Variants in ANO9 observed in about 807,000 individuals in gnomAD.
ANO9 encodes the protein anoctamin-9.
ANO9 carries 80 observed loss-of-function variants against 100.5 expected under a neutral mutation model. That is an observed-to-expected ratio of 0.80 (90% CI 0.66 to 0.96). The LOEUF (loss-of-function observed/expected upper bound fraction) is 0.96, where lower values mean the gene tolerates loss of function less well. ANO9 is among the 40% of genes least tolerant of loss of function. ANO9 has a pLI of 0.00. For synonymous variants in ANO9, 473 were observed against 435.6 expected (o/e 1.09, Z -1.07); for missense variants, 1,064 against 1,072.7 (o/e 0.99, Z 0.11).
In ANO9 at chr11:421,649, C is replaced by T. The variant is rs552092514; in HGVS notation, c.1335-451G>A. Among the ~76,000 whole-genome samples the T allele has an allele frequency of 2.6e-5, 4 of 151,876 alleles. No individual in the cohort carries two copies. Among genetic ancestry groups the T allele is most frequent in the Admixed American group, 6.6e-5 (1 of 15,266 alleles). On this transcript the variant is annotated intron_variant, in intron 15 of 22. Coordinates refer to ENST00000332826, the MANE Select transcript of ANO9 (RefSeq NM_001012302.3). The surrounding 1 kb of genome is among the most constrained non-coding windows in gnomAD (Gnocchi z 6.8). ...CAGACGAACCGCACCTGCACGTGGG[C>T]GCACACACACACACACAGGCAAGGC...
intron 1 of ANO9, among the ~76,000 whole-genome samples, chr11:438,485 C>T (rs1208495261): frequency 6.7e-6 from 1 of 148,498 alleles, no homozygotes; most frequent in Admixed American, 6.7e-5. Context: ...GCAGGTGTAG[C>T]CCCCCCAACA....
chr11:421,190 C>T lies in ANO9; in HGVS notation c.1343G>A (p.Gly448Asp), dbSNP rs866019724. The T allele has an allele frequency of 6.4e-7, 1 of 1,550,804 alleles. No individual in the cohort carries two copies. The highest frequency in any genetic ancestry group is 8.7e-7 in the Non-Finnish European group (1 of 1,145,444). The part of the protein sequence containing the change: ...YIAFILGRIN[G>D]HPGKSTRLAG... ...CAGGCGCGTGGACTTCCCGGGGTGG[C>T]CGTTGATCCTGGGGAGGAAGGGGAA... is the stretch of plus-strand genomic sequence containing the variant. The change falls in exon 16 of 23, where the codon GGC becomes GAC. Residue 448 changes from glycine (G) to aspartate (D), a missense_variant. Gly to Asp is a moderately conservative substitution (Grantham distance 94). Transcript: ENST00000332826. This position sits in a 1 kb window ranked among gnomAD's most constrained non-coding sequence, Gnocchi z 6.8.
At chr11:433,558 C>A (rs754311152) in intron 3 of ANO9, 99 bp from the exon 4 acceptor site, 36 of 1,475,900 alleles carry the variant, frequency 2.4e-5, no homozygotes, top group South Asian at 9.5e-5. Context: ...AACCCTCCCC[C>A]CTCTATTCCG....
Position 431,925 on chromosome 11 carries a change from C to G in ANO9, c.407-19G>C, listed in dbSNP as rs1262496452. 1 of 1,611,236 alleles carries G rather than the reference C, an allele frequency of 6.2e-7. No homozygotes were observed. On this transcript the variant is annotated intron_variant, in intron 5 of 22. Coordinates refer to ENST00000332826, the MANE Select transcript of ANO9 (RefSeq NM_001012302.3). The stretch of plus-strand genomic sequence containing the variant: ...AAGGTCTCTGGGTCACAGGGGTTCA[C>G]GAGTCAGGGGGAGTGAGGTGCTGGG...
At position 432,390 on chromosome 11, in the gene ANO9, A is replaced by G. The variant is rs964015601; in HGVS notation, c.351-336T>C. ...CCTGCGGGCCCCATGTGTCCAGAGC[A>G]CACCCCAGCCTGCATCCGCACACAC... On this transcript the variant is annotated intron_variant, in intron 4 of 22. Coordinates refer to ENST00000332826, the MANE Select transcript of ANO9 (RefSeq NM_001012302.3). The surrounding 1 kb of genome is among the most constrained non-coding windows in gnomAD (Gnocchi z 4.8). 2.5e-6 allele frequency: 1 copy of G among 405,260 alleles called. No homozygotes were observed. The highest frequency in any genetic ancestry group is 4.6e-6 in the Non-Finnish European group (1 of 217,654). 25.1% of individuals were successfully genotyped at this position (405,260 alleles called of 1,614,324 possible). A position where few individuals can be genotyped will look rare whatever the true frequency, so the allele number is the denominator to read the frequency against.
chr11:437,171 C>A (rs976901068), intron 1 of ANO9, among the ~76,000 whole-genome samples: 3 of 151,942 alleles, frequency 2.0e-5, no homozygotes, highest in Admixed American at 6.5e-5. Flanking sequence ...GCAGGGATCT[C>A]GGCTGCTCCT....
intron 19 of ANO9, 81 bp downstream of exon 19, chr11:420,382 G>T: frequency 6.5e-7 from 1 of 1,546,500 alleles, no homozygotes; most frequent in East Asian, 2.4e-5. Flanking sequence ...ATTTTTTCCA[G>T]GTGAGCCGGC....
At chr11:436,502 A>T (rs958021148) in intron 1 of ANO9, among the ~76,000 whole-genome samples, 2 of 151,550 alleles carry the variant, frequency 1.3e-5, no homozygotes, top group Non-Finnish European at 2.9e-5. Flanking sequence ...TCAACCACAG[A>T]AGCCAGGAAA....
intron 1 of ANO9, among the ~76,000 whole-genome samples, chr11:438,292 G>A (rs1845535526): frequency 1.3e-5 from 2 of 151,874 alleles, no homozygotes; most frequent in Admixed American, 1.3e-4. Flanking sequence ...CTCGGACAAG[G>A]CAGAAGCACT....
intron 3 of ANO9, among the ~76,000 whole-genome samples, 169 bp from the exon 4 acceptor site, chr11:433,628 C>T (rs1005003661): frequency 1.3e-5 from 2 of 152,090 alleles, no homozygotes; most frequent in Non-Finnish European, 2.9e-5. Flanking sequence ...GCCTCGCTCC[C>T]CACGCCCCTG....
rs1847958312 is a variant in ANO9 at position 418,206 on chromosome 11, G to A, written c.*165C>T. ...AGCCCCCACAAAGACGGAGCAGGCG[G>A]AATAGGGTGGCAGCTCACAGCCCTG... On this transcript the variant is annotated 3_prime_UTR_variant, in exon 23 of 23. Transcript: ENST00000332826. 1.4e-6 allele frequency: 1 copy of A among 706,818 alleles called. No homozygotes were observed. Among genetic ancestry groups the A allele is most frequent in the Non-Finnish European group, 2.3e-6 (1 of 436,186 alleles). 43.8% of individuals were successfully genotyped at this position (706,818 alleles called of 1,614,324 possible).
At position 431,739 on chromosome 11, in the gene ANO9, G is replaced by C. The variant is rs751644925; in HGVS notation, c.494C>G (p.Ala165Gly). Residue 165 changes from alanine (A) to glycine (G), a missense_variant, in exon 7 of 23, where the codon GCG becomes GGG. Transcript: ENST00000332826. ...KGEGRLKKTWARWRHMFREQP... is the reference protein window; with the variant it reads ...KGEGRLKKTWGRWRHMFREQP... ...CTCCCGGAACATGTGTCTCCACCGC[G>C]CCCACGTCTTCTTCAGGCGTCCCTC... The C allele has an allele frequency of 1.2e-6, 2 of 1,612,636 alleles. No individual in the cohort carries two copies. The highest frequency in any genetic ancestry group is 3.3e-5 in the Admixed American group (2 of 59,952).
At chr11:441,619 A>G (rs1214229895) in intron 1 of ANO9, among the ~76,000 whole-genome samples, 1 of 152,114 alleles carries the variant, frequency 6.6e-6, no homozygotes, top group Admixed American at 6.5e-5. Context: ...GGACTCTGGT[A>G]GAGGTTCCTG....
rs761382318 is a variant in ANO9 at position 418,444 on chromosome 11, GC to G, written c.2275del (p.Ala759GlnfsTer36). The G allele has an allele frequency of 2.5e-6, 4 of 1,612,502 alleles. No individual in the cohort carries two copies. Among genetic ancestry groups the G allele is most frequent in the East Asian group, 2.2e-5 (1 of 44,892 alleles). Reference sequence around the variant, plus strand: ...GGCAGGCATTGGGGGCCGAGAGCCTGCCCCCACCCCACCCAGCCTCTGCCTT... The same window carrying G: ...GGCAGGCATTGGGGGCCGAGAGCCTGCCCCACCCCACCCAGCCTCTGCCTT... The part of the protein sequence containing the change: ...HGRQRLGGVG[A>X]GSRPPMPAHP... On this transcript the variant is annotated frameshift_variant, in exon 23 of 23. Coordinates refer to ENST00000332826, the MANE Select transcript of ANO9 (RefSeq NM_001012302.3). LOFTEE classifies it low-confidence loss of function (END_TRUNC).
chr11:440,725 G>C (rs949626118), intron 1 of ANO9: 2 of 152,290 alleles, frequency 1.3e-5, no homozygotes, highest in African/African-American at 4.8e-5. Context: ...AGCCTCCCGA[G>C]TAGCTGGGAG....
At chr11:441,735 G>A (rs1017915221) in intron 1 of ANO9, among the ~76,000 whole-genome samples, 186 bp downstream of exon 1, 1 of 152,132 alleles carries the variant, frequency 6.6e-6, no homozygotes, top group African/African-American at 2.4e-5. Flanking sequence ...CGTGCCCCAG[G>A]AGTCCAGGAG....
intron 1 of ANO9, among the ~76,000 whole-genome samples, chr11:438,365 A>G (rs1341539644): frequency 8.8e-6 from 1 of 113,420 alleles, no homozygotes; most frequent in Non-Finnish European, 1.8e-5. Context: ...CCCCCAACAC[A>G]CACAGCCAGA....
At chr11:431,946 C>A in intron 5 of ANO9, 40 bp from the exon 6 acceptor site, 3 of 1,611,952 alleles carry the variant, frequency 1.9e-6, no homozygotes, top group Non-Finnish European at 2.5e-6. Flanking sequence ...GAGTGAGGTG[C>A]TGGGAGAACC....
chr11:436,287 G>A (rs761246480), intron 1 of ANO9, among the ~76,000 whole-genome samples: 8 of 151,948 alleles, frequency 5.3e-5, no homozygotes, highest in East Asian at 3.9e-4. Flanking sequence ...GGCTGGTCTC[G>A]AACTCCCGAC....
Sources: allele counts gnomAD v4.1 joint callset (sites outside exome capture counted in the v4.1 genomes callset), GRCh38; gene constraint gnomAD v4.1.1; non-coding constraint Gnocchi (gnomAD v3.1); transcripts MANE v1.5; gene names NCBI Gene and HGNC (gene_info 2026-07-23, HGNC 2026-07-21).